TANC2: variants seen among roughly 807,000 people sequenced by gnomAD.
TANC2 encodes tetratricopeptide repeat, ankyrin repeat and coiled-coil containing 2, also known as protein TANC2.
In TANC2, 26 loss-of-function variants were observed where a neutral mutation model predicts 210.5. That is an observed-to-expected ratio of 0.12 (90% CI 0.09 to 0.17). TANC2 has a LOEUF of 0.17. Among genes scored for constraint, TANC2 ranks in the 10% least tolerant of loss-of-function variants. TANC2 has a pLI of 1.00. For synonymous variants in TANC2, 931 were observed against 967.1 expected, an observed-to-expected ratio of 0.96 and a Z score of 0.69; for missense variants, 2,129 against 2,608.9, an observed-to-expected ratio of 0.82 and a Z score of 4.01.
chr17:63,400,810 AT>A (rs146655118), intron 19 of TANC2, among the ~76,000 whole-genome samples: 23,702 of 141,996 alleles, frequency 0.17, 2,291 homozygotes, highest in Non-Finnish European at 0.24. Context: ...CACCTGACTA[AT>A]TTTTTTTTTT....
At chr17:63,310,788 C>A (rs556411717) in intron 9 of TANC2, among the ~76,000 whole-genome samples, 8 of 152,168 alleles carry the variant, frequency 5.3e-5, no homozygotes, top group African/African-American at 1.9e-4. Flanking sequence ...AATAATAATA[C>A]TACCCCGTGA....
At chr17:63,369,807 T>C (rs963310666) in intron 14 of TANC2, among the ~76,000 whole-genome samples, 9 of 152,226 alleles carry the variant, frequency 5.9e-5, no homozygotes, top group Non-Finnish European at 1.2e-4. Context: ...TTTATCATGG[T>C]AGCCAGGCTG....
intron 17 of TANC2, among the ~76,000 whole-genome samples, chr17:63,392,979 AT>A (rs1179772698): frequency 6.6e-6 from 1 of 152,206 alleles, no homozygotes; most frequent in Non-Finnish European, 1.5e-5. Context: ...TGATAATACT[AT>A]TAACTAATCT....
At chr17:63,413,584 A>C (rs1353072898) in exon 25 of TANC2, 1 of 1,602,780 alleles carries the variant, frequency 6.2e-7, no homozygotes, top group South Asian at 1.1e-5. Flanking sequence ...GCCAGACATC[A>C]TGATCATCCT....
intron 2 of TANC2, among the ~76,000 whole-genome samples, chr17:63,022,571 A>G (rs1185275544): frequency 6.6e-6 from 1 of 152,238 alleles, no homozygotes; most frequent in Non-Finnish European, 1.5e-5. Flanking sequence ...AGACAAAACA[A>G]GAGTGTGACC....
At chr17:63,075,589 A>G (rs913145235) in intron 3 of TANC2, among the ~76,000 whole-genome samples, 25 of 152,058 alleles carry the variant, frequency 1.6e-4, no homozygotes, top group African/African-American at 5.8e-4. Flanking sequence ...GCAGAGTGCA[A>G]TGGCTTGATC....
rs1236499899 is a variant in TANC2 at position 63,009,518 on chromosome 17, C to T, written c.-23-19C>T. The T allele has an allele frequency of 6.4e-7, 1 of 1,570,650 alleles. No homozygotes were observed. Among genetic ancestry groups the T allele is most frequent in the Admixed American group, 1.7e-5 (1 of 59,244 alleles). On this transcript the variant is annotated intron_variant, in intron 1 of 27. Transcript: ENST00000689528. ...AATAAAGTTTTCTTAAACACATTTT[C>T]CTATATTTTCTTTTACAGTTTTGCA...
intron 2 of TANC2, among the ~76,000 whole-genome samples, chr17:63,067,768 TAGAG>T (rs1360092077): frequency 2.6e-5 from 4 of 151,696 alleles, no homozygotes; most frequent in South Asian, 2.1e-4. Flanking sequence ...ATCTAAACAA[TAGAG>T]AGAAAAGCAG....
At chr17:63,015,824 T>C (rs1355261905) in intron 2 of TANC2, among the ~76,000 whole-genome samples, 2 of 152,052 alleles carry the variant, frequency 1.3e-5, no homozygotes, top group Non-Finnish European at 2.9e-5. Flanking sequence ...AGTTCATATA[T>C]ATTAAATGTT....
chr17:63,238,867 A>G (rs928269809), intron 8 of TANC2, among the ~76,000 whole-genome samples: 1 of 152,160 alleles, frequency 6.6e-6, no homozygotes, highest in African/African-American at 2.4e-5. Flanking sequence ...GGGAACTACC[A>G]GTTTTAAACC....
At chr17:63,382,831 G>C (rs1019205673) in intron 15 of TANC2, among the ~76,000 whole-genome samples, 1 of 151,864 alleles carries the variant, frequency 6.6e-6, no homozygotes, top group African/African-American at 2.4e-5. Context: ...AACTATTTTG[G>C]GTTTTTTAAT....
In TANC2 at chr17:63,043,909, T is replaced by C. The variant is rs567549779; in HGVS notation, c.68-30034T>C. The stretch of plus-strand genomic sequence containing the variant: ...AGTTTTCTGTACTCCCCAAAATGGC[T>C]GCCAACATCTATCAGTCATCAAGCC... On this transcript the variant is annotated intron_variant, in intron 2 of 27. Transcript: ENST00000689528. 2.0e-5 allele frequency among the ~76,000 whole-genome samples: 3 copies of C among 152,254 alleles called. No homozygotes were observed. In the East Asian group the frequency reaches 5.8e-4, roughly 29 times the overall value.
At chr17:63,194,217 T>G in intron 6 of TANC2, 78 bp downstream of exon 6, 1 of 1,447,570 alleles carries the variant, frequency 6.9e-7, no homozygotes. Flanking sequence ...AATTGTTGAA[T>G]GCCTTTTGAG....
intron 4 of TANC2, chr17:63,130,973 A>C (rs2038895710): frequency 6.6e-6 from 1 of 152,224 alleles, no homozygotes; most frequent in South Asian, 2.1e-4. Flanking sequence ...TGGGAAAGTG[A>C]GTTTAGCAGA....
chr17:63,355,693 G>A (rs571029588), intron 14 of TANC2, among the ~76,000 whole-genome samples: 1 of 152,210 alleles, frequency 6.6e-6, no homozygotes, highest in South Asian at 2.1e-4. Context: ...CCATTTAATG[G>A]ACTTCCTCAG....
intron 2 of TANC2, among the ~76,000 whole-genome samples, chr17:63,022,697 C>T (rs1390870033): frequency 6.6e-6 from 1 of 152,174 alleles, no homozygotes; most frequent in Non-Finnish European, 1.5e-5. Flanking sequence ...TACCTCCCAT[C>T]ACAGGCCCAG....
chr17:63,238,357 C>T (rs543047668), intron 8 of TANC2, among the ~76,000 whole-genome samples: 8 of 152,228 alleles, frequency 5.3e-5, no homozygotes, highest in Non-Finnish European at 1.2e-4. Flanking sequence ...CATCAAACAA[C>T]TAAAAGTCTT....
intron 14 of TANC2, among the ~76,000 whole-genome samples, chr17:63,356,027 G>A (rs2046772325): frequency 6.6e-6 from 1 of 152,026 alleles, no homozygotes; most frequent in Non-Finnish European, 1.5e-5. Flanking sequence ...TTAATACATG[G>A]GAGAAGGGAG....
intron 1 of TANC2, among the ~76,000 whole-genome samples, chr17:62,996,744 GATT>G (rs1352643737): frequency 1.3e-5 from 2 of 151,316 alleles, no homozygotes; most frequent in Middle Eastern, 3.2e-3. Flanking sequence ...TTTTTTTTGA[GATT>G]ATTTGTGATT....
Sources: allele counts gnomAD v4.1 joint callset (sites outside exome capture counted in the v4.1 genomes callset), GRCh38; gene constraint gnomAD v4.1.1; transcripts MANE v1.5; gene names NCBI Gene and HGNC (gene_info 2026-07-23, HGNC 2026-07-21).